The following CSGALNACT1 variants were observed in gnomAD, a reference collection of about 807,000 sequenced individuals.
CSGALNACT1 encodes the protein chondroitin sulfate N-acetylgalactosaminyltransferase 1, also known as beta4GalNAcT-1.
In CSGALNACT1, 52 loss-of-function variants were observed where a neutral mutation model predicts 51.0. That is an observed-to-expected ratio of 1.02 (90% CI 0.82 to 1.29). The LOEUF is 1.29. Among genes scored for constraint, CSGALNACT1 ranks in the 50% most tolerant of loss-of-function variants. The pLI is 0.00. For missense variants in CSGALNACT1, 935 were observed against 679.2 expected (o/e 1.38, Z -4.19); for synonymous variants, 341 against 254.4 (o/e 1.34, Z -3.24).
chr8:19,621,593 G>T (rs1010433826), intron 1 of CSGALNACT1, among the ~76,000 whole-genome samples: 3 of 151,786 alleles, frequency 2.0e-5, no homozygotes, highest in African/African-American at 7.3e-5. Flanking sequence ...CCTGGGCAAC[G>T]TGGCAAGACC....
At position 19,437,472 on chromosome 8, in the gene CSGALNACT1, G is replaced by T. The variant is rs550579739; in HGVS notation, c.953+2358C>A. On this transcript the variant is annotated intron_variant, in intron 6 of 9. Transcript: ENST00000454498. ...GGTACTGTGAAGTCAACTCAGGCTG[G>T]CTGCAGAGGTCTGGGCATTCCTAGG... Among the ~76,000 whole-genome samples the T allele has an allele frequency of 9.2e-5, 14 of 152,220 alleles. 2 individuals are homozygous for T. In the South Asian group the frequency reaches 2.7e-3, roughly 29 times the overall value.
chr8:19,587,982 G>A (rs1411514401), intron 3 of CSGALNACT1: 1 of 152,186 alleles, frequency 6.6e-6, no homozygotes, highest in Non-Finnish European at 1.5e-5. Context: ...CCTGAGCTCA[G>A]GAGTTTGAGA....
rs891213265 is a variant in CSGALNACT1, at chr8:19,663,981, A to T, written c.-544+18492T>A. On this transcript the variant is annotated intron_variant, in intron 1 of 9. Coordinates refer to the CSGALNACT1 transcript ENST00000332246. ...AGAAGTGACACCATCTTCACAGAGAAATCTTTTCCAATTACCAGCAGACAG... is the reference window on the plus strand; with the variant it reads ...AGAAGTGACACCATCTTCACAGAGATATCTTTTCCAATTACCAGCAGACAG... Among the ~76,000 whole-genome samples, 3 of 152,202 alleles carry T rather than the reference A, an allele frequency of 2.0e-5. No homozygotes were observed. The East Asian group carries it at 5.8e-4, about 29-fold the overall frequency.
intron 3 of CSGALNACT1, among the ~76,000 whole-genome samples, chr8:19,508,869 A>G (rs911724172): frequency 6.6e-6 from 1 of 152,244 alleles, no homozygotes; most frequent in African/African-American, 2.4e-5. Flanking sequence ...TTGAAAATTT[A>G]AAACTGGAAT....
chr8:19,748,012 G>C (rs1242373317), intron 1 of CSGALNACT1, among the ~76,000 whole-genome samples: 2 of 151,878 alleles, frequency 1.3e-5, no homozygotes, highest in African/African-American at 4.8e-5. Flanking sequence ...CAAAATACAA[G>C]TCTCCTCCCT....
chr8:19,448,408 C>T (rs1191961866), intron 5 of CSGALNACT1, among the ~76,000 whole-genome samples: 2 of 152,114 alleles, frequency 1.3e-5, no homozygotes, highest in Non-Finnish European at 2.9e-5. Context: ...AATGGAAATC[C>T]TATATCCGAG....
intron 1 of CSGALNACT1, among the ~76,000 whole-genome samples, chr8:19,698,716 C>T (rs1203701187): frequency 2.0e-5 from 3 of 152,176 alleles, no homozygotes; most frequent in Non-Finnish European, 2.9e-5. Flanking sequence ...TTGTGAATCA[C>T]CGGTAGGAAT....
chr8:19,427,839 G>C (rs536918753), intron 6 of CSGALNACT1, among the ~76,000 whole-genome samples: 13 of 152,058 alleles, frequency 8.5e-5, no homozygotes, highest in Admixed American at 6.6e-4. Flanking sequence ...ACCATGCCAA[G>C]CCCTCATGCA....
intron 1 of CSGALNACT1, among the ~76,000 whole-genome samples, chr8:19,677,685 GT>G (rs1456190005): frequency 6.6e-6 from 1 of 152,130 alleles, no homozygotes; most frequent in African/African-American, 2.4e-5. Flanking sequence ...TCTTCATAAT[GT>G]TTTTACTTCA....
At chr8:19,449,489 A>G (rs1296133027) in intron 5 of CSGALNACT1, among the ~76,000 whole-genome samples, 1 of 152,220 alleles carries the variant, frequency 6.6e-6, no homozygotes, top group Non-Finnish European at 1.5e-5. Context: ...TCTGTCATAT[A>G]TACCAGCCTC....
intron 4 of CSGALNACT1, among the ~76,000 whole-genome samples, chr8:19,486,512 C>G (rs2072978589): frequency 6.6e-6 from 1 of 152,176 alleles, no homozygotes; most frequent in Non-Finnish European, 1.5e-5. Context: ...CCCTCACTGG[C>G]TCTGCCCCTG....
chr8:19,727,162 TTCCC>T (rs1490617858), intron 1 of CSGALNACT1, among the ~76,000 whole-genome samples: 3 of 152,132 alleles, frequency 2.0e-5, no homozygotes, highest in African/African-American at 7.2e-5. Context: ...AGAGATGTGA[TTCCC>T]CAAAAGGAAA....
At chr8:19,643,844 T>C (rs780310676) in intron 1 of CSGALNACT1, among the ~76,000 whole-genome samples, 1 of 152,196 alleles carries the variant, frequency 6.6e-6, no homozygotes, top group Non-Finnish European at 1.5e-5. Context: ...GCAGTGGAAA[T>C]TGGCTCAGTC....
chr8:19,642,134 T>C (rs925849115), intron 1 of CSGALNACT1: 4 of 152,218 alleles, frequency 2.6e-5, no homozygotes, highest in African/African-American at 9.6e-5. Context: ...TGAATCATTT[T>C]GTTAGCTTTA....
chr8:19,452,456 A>C (rs1014276195), intron 5 of CSGALNACT1, among the ~76,000 whole-genome samples: 1 of 151,234 alleles, frequency 6.6e-6, no homozygotes, highest in Non-Finnish European at 1.5e-5. Context: ...ATTTGACATA[A>C]GCAAAGGAAA....
intron 6 of CSGALNACT1, 88 bp downstream of exon 5, chr8:19,439,742 A>G (rs1475398376): frequency 9.6e-7 from 1 of 1,039,154 alleles, no homozygotes; most frequent in Non-Finnish European, 1.5e-6. Context: ...GTAAAGGAAA[A>G]TAAAATTAAG....
chr8:19,641,424 G>T (rs1233298205), intron 1 of CSGALNACT1, among the ~76,000 whole-genome samples: 1 of 152,102 alleles, frequency 6.6e-6, no homozygotes, highest in Non-Finnish European at 1.5e-5. Context: ...GCAGCAGGGC[G>T]AACCTGGGAG....
chr8:19,687,241 A>G (rs2061028176), upstream of CSGALNACT1, among the ~76,000 whole-genome samples: 2 of 152,198 alleles, frequency 1.3e-5, no homozygotes, highest in Admixed American at 1.3e-4. Context: ...CAACCTCTTG[A>G]CAAATTCCTC....
chr8:19,645,234 G>C (rs2057148439), intron 1 of CSGALNACT1, among the ~76,000 whole-genome samples: 1 of 152,194 alleles, frequency 6.6e-6, no homozygotes, highest in Admixed American at 6.5e-5. Context: ...TTATTAATAA[G>C]TCAAACAGGG....
Sources: allele counts gnomAD v4.1 joint callset (sites outside exome capture counted in the v4.1 genomes callset), GRCh38; gene constraint gnomAD v4.1.1; transcripts MANE v1.5; gene names NCBI Gene and HGNC (gene_info 2026-07-23, HGNC 2026-07-21).